The following ROPN1L variants were observed in gnomAD, a reference collection of about 807,000 sequenced individuals.
ROPN1L encodes rhophilin associated tail protein 1 like.
A neutral mutation model predicts 22.7 loss-of-function variants in ROPN1L; 23 were observed. The observed-to-expected ratio is 1.01, with a 90% CI of 0.73 to 1.43. The LOEUF is 1.43. Among genes scored for constraint, ROPN1L ranks in the 40% most tolerant of loss-of-function variants. The pLI is 0.00. For synonymous variants in ROPN1L, 116 were observed against 117.8 expected (o/e 0.98, Z 0.10); for missense variants, 271 against 291.5 (o/e 0.93, Z 0.51).
At chr5:10,468,952 G>A (rs1336695154), downstream of ROPN1L, among the ~76,000 whole-genome samples, 2 of 150,978 alleles carry the variant, frequency 1.3e-5, no homozygotes, top group Non-Finnish European at 2.9e-5. Context: ...TCAGGAGATC[G>A]AGACCATCCT....
chr5:10,442,437 T>G, intron 1 of ROPN1L, 139 bp downstream of exon 1: 1 of 1,041,666 alleles, frequency 9.6e-7, no homozygotes, highest in South Asian at 1.6e-5. Flanking sequence ...CCCCTTAGCA[T>G]TGGTGACATC....
At chr5:10,475,910 T>C (rs1735310906), downstream of ROPN1L, among the ~76,000 whole-genome samples, 1 of 152,258 alleles carries the variant, frequency 6.6e-6, no homozygotes. Flanking sequence ...GTGATGGAAC[T>C]GCTGTGCTCC....
At chr5:10,458,096 A>C (rs1320963939) in intron 3 of ROPN1L, among the ~76,000 whole-genome samples, 1 of 152,010 alleles carries the variant, frequency 6.6e-6, no homozygotes, top group Non-Finnish European at 1.5e-5. Context: ...TCCAGCTCAC[A>C]CAACTGCTGG....
At chr5:10,463,281 A>G (rs1006623253) in intron 4 of ROPN1L, among the ~76,000 whole-genome samples, 3 of 152,188 alleles carry the variant, frequency 2.0e-5, no homozygotes, top group African/African-American at 7.2e-5. Context: ...GTAAAAAGGA[A>G]CAAAGCTCTT....
chr5:10,472,952 G>A (rs1735271472), downstream of ROPN1L, among the ~76,000 whole-genome samples: 1 of 152,186 alleles, frequency 6.6e-6, no homozygotes, highest in Admixed American at 6.5e-5. Flanking sequence ...AACGGGGTGA[G>A]GAGGAGAGGA....
At chr5:10,462,908 T>C (rs201568025) in intron 4 of ROPN1L, among the ~76,000 whole-genome samples, 27,948 of 149,962 alleles carry the variant, frequency 0.19, 3,666 homozygotes, top group East Asian at 0.65. Context: ...ACAACAATAA[T>C]AATAATAATA....
chr5:10,460,832 G>A (rs961652990), intron 3 of ROPN1L, among the ~76,000 whole-genome samples: 1 of 152,244 alleles, frequency 6.6e-6, no homozygotes, highest in East Asian at 1.9e-4. Context: ...GCACGTCCCC[G>A]GGTGTGTCTC....
the ROPN1L span, among the ~76,000 whole-genome samples, chr5:10,478,930 A>G: frequency 2.0e-5 from 3 of 152,216 alleles, no homozygotes; most frequent in Admixed American, 6.5e-5. Context: ...GGTGTTGTAA[A>G]GATATGTGAT....
chr5:10,461,214 G>A lies in ROPN1L; in HGVS notation c.448G>A (p.Glu150Lys), dbSNP rs764959221. The change falls in exon 4 of 5, where the codon GAG (glutamate) becomes AAG (lysine). Residue 150 changes from glutamate to lysine, a missense_variant. Coordinates refer to ENST00000274134, the MANE Select transcript of ROPN1L (RefSeq NM_031916.5). ...GAACACTGCGCTGAAGCACCTGTGC[G>A]AGATCCTCACGGACGATCCGGAGGG... ...SLNTALKHLC[E>K]ILTDDPEGGP... is the part of the protein sequence containing the mutation. 2.8e-5 allele frequency: 45 copies of A among 1,613,916 alleles called. No homozygotes were observed. The highest frequency in any genetic ancestry group is 3.8e-5 in the Non-Finnish European group (45 of 1,180,022).
downstream of ROPN1L, among the ~76,000 whole-genome samples, chr5:10,467,913 C>T (rs941735964): frequency 2.6e-5 from 4 of 152,224 alleles, no homozygotes; most frequent in East Asian, 7.7e-4. Flanking sequence ...CAGAACACTC[C>T]TTAGCGTGGA....
chr5:10,480,404 G>A, the ROPN1L span, among the ~76,000 whole-genome samples: 1,872 of 152,280 alleles, frequency 0.012, 40 homozygotes, highest in African/African-American at 0.043. Context: ...GGGCCATCCT[G>A]AAAACCCCAT....
chr5:10,448,499 G>A, intron 2 of ROPN1L, 116 bp downstream of exon 2: 1 of 1,211,488 alleles, frequency 8.3e-7, no homozygotes, highest in South Asian at 1.6e-5. Flanking sequence ...AACCTCCTGA[G>A]GTCCCTGAAA....
intron 3 of ROPN1L, among the ~76,000 whole-genome samples, chr5:10,458,252 C>G (rs980741513): frequency 2.6e-5 from 4 of 151,954 alleles, no homozygotes; most frequent in Non-Finnish European, 5.9e-5. Flanking sequence ...AAATGCTTTT[C>G]TTCACTCACC....
chr5:10,450,226 AG>A lies in ROPN1L; in HGVS notation c.417+114del, dbSNP rs975518517. On this transcript the variant is annotated intron_variant, in intron 3 of 4. Transcript: ENST00000274134. ...CACTTTAGTAACTTTGTCTTAGAAA[AG>A]CATTTCCCCCTGCTCCAGGCCTATT... is the stretch of plus-strand genomic sequence containing the variant. 4.9e-6 allele frequency: 4 copies of A among 813,686 alleles called. No individual in the cohort carries two copies. In the African/African-American group the frequency reaches 7.1e-5, roughly 14 times the overall value. The allele number at this position is 813,686 out of a possible 1,614,324, so 50.4% of individuals were successfully genotyped here.
chr5:10,473,775 G>T (rs1183239952), downstream of ROPN1L, among the ~76,000 whole-genome samples: 1 of 152,190 alleles, frequency 6.6e-6, no homozygotes, highest in African/African-American at 2.4e-5. Flanking sequence ...TGAGGCTGAA[G>T]AAAGTTGAAG....
intron 3 of ROPN1L, among the ~76,000 whole-genome samples, chr5:10,459,680 G>A (rs1734974059): frequency 6.6e-6 from 1 of 152,066 alleles, no homozygotes; most frequent in Middle Eastern, 3.2e-3. Context: ...CTTCCCCCTG[G>A]GTCTGTGCTT....
intron 4 of ROPN1L, among the ~76,000 whole-genome samples, chr5:10,464,388 G>A (rs937482534): frequency 4.6e-5 from 7 of 152,160 alleles, no homozygotes; most frequent in South Asian, 2.1e-4. Context: ...CTTCTGCACC[G>A]CCATCCGGGT....
chr5:10,465,916 A>G (rs1361989045), downstream of ROPN1L, among the ~76,000 whole-genome samples: 1 of 151,866 alleles, frequency 6.6e-6, no homozygotes, highest in East Asian at 1.9e-4. Flanking sequence ...CTCCCTGCCT[A>G]CCCCTCCTAA....
downstream of ROPN1L, chr5:10,465,037 G>GT: frequency 1.6e-6 from 1 of 639,464 alleles, no homozygotes; most frequent in Non-Finnish European, 2.6e-6. Context: ...CACCTCTGTA[G>GT]TGTGAGTGTT....
Sources: gnomAD v4.1 joint callset for allele counts (sites outside exome capture counted in the v4.1 genomes callset) on GRCh38, gnomAD v4.1.1 for gene constraint, MANE v1.5 for transcripts, NCBI Gene and HGNC (gene_info 2026-07-23, HGNC 2026-07-21) for gene names.